Variants in HMGB3 observed in about 807,000 individuals in gnomAD.
HMGB3 encodes high mobility group protein B3.
HMGB3 carries 1 observed loss-of-function variant against 12.9 expected under a neutral mutation model. That is an observed-to-expected ratio of 0.08 (90% confidence interval 0.03 to 0.37). The LOEUF (loss-of-function observed/expected upper bound fraction) is 0.37, where lower values mean the gene tolerates loss of function less well. Ranked by LOEUF, HMGB3 falls within the 10% of genes least tolerant of loss-of-function variation. The pLI is 0.99. For synonymous variants in HMGB3, 61 were observed against 53.9 expected, an observed-to-expected ratio of 1.13 and a Z score of -0.57; for missense variants, 74 against 153.3, an observed-to-expected ratio of 0.48 and a Z score of 2.73.
At chrX:150,982,952 G>A (rs1188564057), upstream of HMGB3, among the ~76,000 whole-genome samples, 2 of 113,236 alleles carry the variant, frequency 1.8e-5, no homozygotes, top group African/African-American at 6.4e-5. Context: ...AGGCCGCGGT[G>A]CGGTGGGAGC....
chrX:150,984,278 G>C (rs1557425174), intron 1 of HMGB3, among the ~76,000 whole-genome samples: 1 of 94,069 alleles, frequency 1.1e-5, no homozygotes, highest in African/African-American at 3.8e-5. Context: ...CCCGCGCCGG[G>C]GGGCGGGGAG....
chrX:150,980,565 G>A (rs1247970456), upstream of HMGB3: 6 of 722,015 alleles, frequency 8.3e-6, no homozygotes, highest in African/African-American at 1.4e-4. Flanking sequence ...TAGCTTTCTT[G>A]AGAGCAGAGA....
At chrX:150,981,805 C>G (rs1337064144), upstream of HMGB3, among the ~76,000 whole-genome samples, 1 of 111,331 alleles carries the variant, frequency 9.0e-6, no homozygotes, top group Non-Finnish European at 1.9e-5. Flanking sequence ...TGGGAGCCAA[C>G]AGCACCAGCT....
chrX:150,983,086 G>A (rs960505350), upstream of HMGB3, among the ~76,000 whole-genome samples: 2 of 113,046 alleles, frequency 1.8e-5, no homozygotes, highest in South Asian at 7.1e-4. Flanking sequence ...GGGGGCTGGC[G>A]AGGTGGGCGG....
chrX:150,980,753 T>G, upstream of HMGB3: 1 of 223,509 alleles, frequency 4.5e-6, no homozygotes, highest in Non-Finnish European at 6.5e-6. Context: ...GGAGATGCTC[T>G]TATTTCTCTG....
upstream of HMGB3, among the ~76,000 whole-genome samples, chrX:150,980,822 G>A (rs144993041): frequency 2.3e-4 from 26 of 112,682 alleles, no homozygotes; most frequent in African/African-American, 6.8e-4. Context: ...ACGTGAGTAC[G>A]TGTATACATG....
At chrX:150,986,026 AT>A (rs782062559) in intron 2 of HMGB3, 24 bp from the exon 3 acceptor site, 1 of 1,200,798 alleles carries the variant, frequency 8.3e-7, no homozygotes, top group Admixed American at 2.2e-5. Context: ...GCATCGAGGG[AT>A]TTAACGAGTC....
At chrX:150,985,381 G>T in intron 1 of HMGB3, 1 of 338,997 alleles carries the variant, frequency 2.9e-6, no homozygotes, top group African/African-American at 2.6e-5. Context: ...AAACCAGCGC[G>T]CTTCGTGCTG....
At chrX:150,982,121 C>T (rs2047996111), upstream of HMGB3, among the ~76,000 whole-genome samples, 1 of 112,258 alleles carries the variant, frequency 8.9e-6, no homozygotes, top group South Asian at 3.7e-4. Flanking sequence ...TTCATTCTTT[C>T]CAGGCAAGGG....
Position 150,987,948 on chromosome X carries a change from A to G in HMGB3, c.*34A>G. ...TTTATCTGTCTCCTTGTGAATACTT[A>G]GAGTAGGGGAGCGCCGTAATTGACA... On this transcript the variant is annotated 3_prime_UTR_variant, in exon 5 of 5. Transcript: ENST00000325307. 8.6e-7 allele frequency: 1 copy of G among 1,167,613 alleles called. No homozygotes were observed. The highest frequency in any genetic ancestry group is 1.1e-6 in the Non-Finnish European group (1 of 878,489).
chrX:150,986,204 G>C lies in HMGB3; in HGVS notation c.290+14G>C. The C allele has an allele frequency of 8.7e-7, 1 of 1,149,010 alleles. No homozygotes were observed. The highest frequency in any genetic ancestry group is 1.8e-5 in the African/African-American group (1 of 55,166). 94.7% of individuals were successfully genotyped at this position (1,149,010 alleles called of 1,213,427 possible). ...CAAAAGGCCACCGTAAGTGACTATA[G>C]GATTCAAGATAACAATTAATACCTT... On this transcript the variant is annotated intron_variant, in intron 3 of 4. Coordinates refer to ENST00000325307, the MANE Select transcript of HMGB3 (RefSeq NM_005342.4).
rs781979451 is a variant in HMGB3 at position 150,987,872 on chromosome X, G to A, written c.561G>A (p.Glu187=). 5.8e-4 allele frequency: 694 copies of A among 1,189,783 alleles called. No homozygotes were observed. The highest frequency in any genetic ancestry group is 1.2e-3 in the South Asian group (65 of 56,215). The change falls in exon 5 of 5, where the codon GAG becomes GAA. Residue 187 remains glutamate (E), a synonymous_variant. Coordinates refer to ENST00000325307, the MANE Select transcript of HMGB3 (RefSeq NM_005342.4). ...RKKVEEEDEE[E]EEEEEEEEEE... ...AGGTGGAAGAGGAAGATGAAGAAGAGGAGGAGGAAGAAGAGGAGGAGGAGG... is the reference window on the plus strand; with the variant it reads ...AGGTGGAAGAGGAAGATGAAGAAGAAGAGGAGGAAGAAGAGGAGGAGGAGG...
At chrX:150,982,843 G>A (rs1485633643), upstream of HMGB3, among the ~76,000 whole-genome samples, 2 of 112,982 alleles carry the variant, frequency 1.8e-5, no homozygotes, top group African/African-American at 6.4e-5. Flanking sequence ...TCGCGGCGCC[G>A]CGGCCGAACC....
chrX:150,987,350 C>T (rs782195344), intron 4 of HMGB3, 48 bp downstream of exon 4: 6 of 1,086,502 alleles, frequency 5.5e-6, no homozygotes, highest in Middle Eastern at 2.6e-4. Context: ...AGTGGTTCTG[C>T]TATCAGTAGG....
At chrX:150,986,724 A>G (rs1462936959) in intron 3 of HMGB3, among the ~76,000 whole-genome samples, 2 of 110,674 alleles carry the variant, frequency 1.8e-5, no homozygotes, top group Admixed American at 1.9e-4. Context: ...GCTCACTGCA[A>G]CCTCCACCTC....
chrX:150,983,010 C>A (rs1010787202), upstream of HMGB3, among the ~76,000 whole-genome samples: 1 of 112,947 alleles, frequency 8.9e-6, no homozygotes, highest in Admixed American at 9.3e-5. Context: ...CGCCAGAGGC[C>A]GAGGCCTCCG....
chrX:150,987,378 G>T, intron 4 of HMGB3, 76 bp downstream of exon 4: 1 of 886,702 alleles, frequency 1.1e-6, no homozygotes, highest in Non-Finnish European at 1.6e-6. Context: ...GCATGTGGCA[G>T]CTTTGCTGGG....
In HMGB3 at chrX:150,988,358, C is replaced by T. The variant is rs1266135366; in HGVS notation, c.*444C>T. The T allele has an allele frequency of 2.6e-5, 3 of 115,146 alleles. No individual in the cohort carries two copies. The highest frequency in any genetic ancestry group is 9.8e-5 in the African/African-American group (3 of 30,678). 9.5% of individuals were successfully genotyped at this position (115,146 alleles called of 1,213,427 possible). On this transcript the variant is annotated 3_prime_UTR_variant, in exon 5 of 5. Coordinates refer to ENST00000325307, the MANE Select transcript of HMGB3 (RefSeq NM_005342.4). Reference sequence around the variant, plus strand: ...CAACCGAGACAAACCCTTGATGCTCCTTGCTCGGCGTTGAGGCTGTGGGGA... The same window carrying T: ...CAACCGAGACAAACCCTTGATGCTCTTTGCTCGGCGTTGAGGCTGTGGGGA...
In HMGB3 at chrX:150,990,488, G is replaced by A. The variant is rs2048101046; in HGVS notation, c.*2574G>A. 1.8e-5 allele frequency: 2 copies of A among 111,113 alleles called. No individual in the cohort carries two copies. Among genetic ancestry groups the A allele is most frequent in the Admixed American group, 1.9e-4 (2 of 10,451 alleles). 9.2% of individuals were successfully genotyped at this position (111,113 alleles called of 1,213,427 possible). On this transcript the variant is annotated 3_prime_UTR_variant, in exon 5 of 5. Coordinates refer to ENST00000325307, the MANE Select transcript of HMGB3 (RefSeq NM_005342.4). ...ATGTAAGTGGCATGATGTTACCTAA[G>A]GCTTAGGCTTAGCTTGATTTCTGGG...
Sources: allele counts gnomAD v4.1 joint callset (sites outside exome capture counted in the v4.1 genomes callset), GRCh38; gene constraint gnomAD v4.1.1; transcripts MANE v1.5; gene names NCBI Gene and HGNC (gene_info 2026-07-23, HGNC 2026-07-21).